Variants in SNX25 observed in about 807,000 individuals in gnomAD.
The protein encoded by SNX25 is sorting nexin 25, also known as sorting nexin-25.
Under a neutral mutation model 113.7 loss-of-function variants are expected in SNX25, and 62 were observed. The ratio of observed to expected loss-of-function variants is 0.55; its 90% CI spans 0.44 to 0.67. The LOEUF (loss-of-function observed/expected upper bound fraction) is 0.67. Among genes scored for constraint, SNX25 ranks in the 30% least tolerant of loss-of-function variants. The probability of loss-of-function intolerance (pLI) is 0.00; values close to 1 mark genes in which losing one functional copy is unlikely to be tolerated. For synonymous variants in SNX25, 421 were observed against 436.2 expected (o/e 0.97, Z 0.43); for missense variants, 1,014 against 1,161.0 (o/e 0.87, Z 1.84).
intron 16 of SNX25, among the ~76,000 whole-genome samples, chr4:185,358,281 T>G (rs1313687571): frequency 6.6e-6 from 1 of 152,220 alleles, no homozygotes; most frequent in Non-Finnish European, 1.5e-5. Context: ...AAGCCATATG[T>G]CTATTCTAAA....
At chr4:185,328,063 C>G (rs1448875211) in intron 9 of SNX25, among the ~76,000 whole-genome samples, 1 of 152,156 alleles carries the variant, frequency 6.6e-6, no homozygotes, top group African/African-American at 2.4e-5. Flanking sequence ...GATTTAAGCA[C>G]TTATTTTTCT....
At chr4:185,318,371 A>G (rs1306840386) in intron 7 of SNX25, among the ~76,000 whole-genome samples, 1 of 152,222 alleles carries the variant, frequency 6.6e-6, no homozygotes, top group Non-Finnish European at 1.5e-5. Context: ...TATGAAGGTC[A>G]TCTGCTGTAT....
upstream of SNX25, among the ~76,000 whole-genome samples, chr4:185,206,227 C>G (rs1006596756): frequency 1.3e-5 from 2 of 152,130 alleles, no homozygotes; most frequent in African/African-American, 4.8e-5. Flanking sequence ...AGCAGAATAG[C>G]CAAAAGGCGG....
downstream of SNX25, chr4:185,367,303 C>CTTTTT: frequency 1.8e-6 from 2 of 1,105,342 alleles, no homozygotes; most frequent in Non-Finnish European, 1.3e-6. Context: ...GGTCTTTCTT[C>CTTTTT]TTTTTTTTTT....
chr4:185,377,996 ATTATTTCTTGTC>A, the SNX25 span: 3 of 1,111,790 alleles, frequency 2.7e-6, no homozygotes, highest in East Asian at 7.2e-5. Context: ...AATAAAACAC[ATTATTTCTTGTC>A]TCGTTTGCTC....
chr4:185,204,740 T>A (rs1248020339), upstream of SNX25, among the ~76,000 whole-genome samples: 4 of 152,190 alleles, frequency 2.6e-5, no homozygotes, highest in South Asian at 6.2e-4. Context: ...AAGTTCAAAG[T>A]CAGTAGTGGG....
At chr4:185,246,083 C>T (rs1231455318) in intron 1 of SNX25, among the ~76,000 whole-genome samples, 1 of 152,072 alleles carries the variant, frequency 6.6e-6, no homozygotes, top group Non-Finnish European at 1.5e-5. Context: ...GTCAGGAGTT[C>T]GAGACCAGCC....
chr4:185,263,282 A>G (rs1396362603), intron 3 of SNX25, among the ~76,000 whole-genome samples: 1 of 152,216 alleles, frequency 6.6e-6, no homozygotes, highest in East Asian at 1.9e-4. Flanking sequence ...TATATATTTA[A>G]AAAAAGAATT....
At chr4:185,303,658 CAAAAAAA>C (rs34378168) in intron 6 of SNX25, among the ~76,000 whole-genome samples, 69 of 50,900 alleles carry the variant, frequency 1.4e-3, no homozygotes, top group African/African-American at 3.4e-3. Context: ...GACTCTGTCT[CAAAAAAA>C]AAAAAAAAAA....
At chr4:185,213,430 GT>G (rs1189400584) in intron 1 of SNX25, among the ~76,000 whole-genome samples, 2 of 152,226 alleles carry the variant, frequency 1.3e-5, no homozygotes, top group Non-Finnish European at 2.9e-5. Context: ...GGTCAGGAAG[GT>G]TGTTGCTGAA....
chr4:185,221,325 G>T (rs1051754434), intron 1 of SNX25, among the ~76,000 whole-genome samples: 1 of 152,026 alleles, frequency 6.6e-6, no homozygotes, highest in African/African-American at 2.4e-5. Context: ...GAGCCACTGT[G>T]CCTGACCCGG....
chr4:185,363,347 A>G lies in SNX25; in HGVS notation c.2935-38A>G, dbSNP rs1210140145. 1.9e-6 allele frequency: 3 copies of G among 1,605,344 alleles called. No individual in the cohort carries two copies. The highest frequency in any genetic ancestry group is 1.1e-5 in the South Asian group (1 of 90,702). On this transcript the variant is annotated intron_variant, in intron 18 of 18. Transcript: ENST00000652585. This position sits in a 1 kb window ranked among gnomAD's most constrained non-coding sequence, Gnocchi z 4.2. ...TTATTTTGAATAAACCCTTGGAGAAAAACATTTTTCCACTTTTTTCCTTCT... is the reference window on the plus strand; with the variant it reads ...TTATTTTGAATAAACCCTTGGAGAAGAACATTTTTCCACTTTTTTCCTTCT...
chr4:185,225,118 C>CTT (rs775220291), intron 1 of SNX25, among the ~76,000 whole-genome samples: 22 of 132,074 alleles, frequency 1.7e-4, no homozygotes, highest in Admixed American at 3.1e-4. Flanking sequence ...TCTATGTCTT[C>CTT]TTTTTTTTTT....
chr4:185,340,926 C>T (rs2095256725), intron 11 of SNX25, among the ~76,000 whole-genome samples: 1 of 152,160 alleles, frequency 6.6e-6, no homozygotes, highest in African/African-American at 2.4e-5. Flanking sequence ...CTGGACGTGC[C>T]TGTATTCTGT....
chr4:185,289,193 A>G (rs1486982221), intron 6 of SNX25, among the ~76,000 whole-genome samples: 1 of 152,244 alleles, frequency 6.6e-6, no homozygotes, highest in Non-Finnish European at 1.5e-5. Context: ...CTACTGAGTG[A>G]TAATGATACA....
Position 185,293,552 on chromosome 4 carries a change from TA to T in SNX25, c.1162+5471del, listed in dbSNP as rs532223022. 4.4e-4 allele frequency among the ~76,000 whole-genome samples: 67 copies of T among 152,324 alleles called. 1 individual carries two copies. The South Asian group carries it at 0.013, about 30-fold the overall frequency. ...GAAATGTCCAGAATAGGCAAACCTA[TA>T]GACAGAAAGCAGGTCACTTTCCAGT... On this transcript the variant is annotated intron_variant, in intron 6 of 18. Coordinates refer to ENST00000652585, the MANE Select transcript of SNX25 (RefSeq NM_001378034.2).
chr4:185,210,024 C>G lies in SNX25; in HGVS notation c.198C>G (p.Leu66=). The change falls in exon 1 of 19, where the codon CTC becomes CTG. Residue 66 remains leucine, a synonymous_variant. Transcript: ENST00000652585. This position sits in a 1 kb window ranked among gnomAD's most constrained non-coding sequence, Gnocchi z 4.4. ...SWWKPVAVAA[L]AAVALSFLGP... is the part of the protein sequence containing the mutation. ...GGAAGCCCGTGGCGGTGGCCGCACT[C>G]GCCGCCGTGGCCCTCTCCTTCCTGG... The G allele has an allele frequency of 1.0e-6, 1 of 983,948 alleles. No homozygotes were observed. The highest frequency in any genetic ancestry group is 1.2e-6 in the Non-Finnish European group (1 of 829,390). 61.0% of individuals were successfully genotyped at this position (983,948 alleles called of 1,614,324 possible). A position where few individuals can be genotyped will look rare whatever the true frequency, so the allele number is the denominator to read the frequency against.
chr4:185,260,182 T>G (rs188678072), intron 3 of SNX25, among the ~76,000 whole-genome samples: 124 of 133,236 alleles, frequency 9.3e-4, no homozygotes, highest in African/African-American at 2.9e-3. Flanking sequence ...AATTTTATTT[T>G]CTTACTTAAA....
rs768951007 is a variant in SNX25, at chr4:185,332,705, A to G, written c.1860A>G (p.Glu620=). Reference sequence around the variant, plus strand: ...TGCGAGAACTAAATGAGAAACTTGAATATAAAAGGCAAGCTCTAAATTCTA... The same window carrying G: ...TGCGAGAACTAAATGAGAAACTTGAGTATAAAAGGCAAGCTCTAAATTCTA... ...NKLRELNEKL[E]YKRQALNSIQ... The change falls in exon 10 of 19, where the codon GAA becomes GAG. Residue 620 remains glutamate, a synonymous_variant. Coordinates refer to ENST00000652585, the MANE Select transcript of SNX25 (RefSeq NM_001378034.2). 6.2e-7 allele frequency: 1 copy of G among 1,614,002 alleles called. No homozygotes were observed. Among genetic ancestry groups the G allele is most frequent in the African/African-American group, 1.3e-5 (1 of 74,940 alleles).
Sources: allele counts gnomAD v4.1 joint callset (sites outside exome capture counted in the v4.1 genomes callset), GRCh38; gene constraint gnomAD v4.1.1; non-coding constraint Gnocchi (gnomAD v3.1); transcripts MANE v1.5; gene names NCBI Gene and HGNC (gene_info 2026-07-23, HGNC 2026-07-21).